Variants in NCS1 observed in about 807,000 individuals in gnomAD.
The protein encoded by NCS1 is frequenin homolog.
NCS1 carries 6 observed loss-of-function variants against 28.4 expected under a neutral mutation model. That is an observed-to-expected ratio of 0.21 (90% CI 0.12 to 0.42). The LOEUF is 0.42. Ranked by LOEUF, NCS1 falls within the 10% of genes least tolerant of loss-of-function variation. The pLI is 1.00. For missense variants in NCS1, 131 were observed against 241.4 expected (o/e 0.54, Z 3.03); for synonymous variants, 86 against 99.3 (o/e 0.87, Z 0.79).
At chr9:130,202,853 T>C (rs1387208103) in intron 2 of NCS1, among the ~76,000 whole-genome samples, 1 of 152,038 alleles carries the variant, frequency 6.6e-6, no homozygotes, top group Non-Finnish European at 1.5e-5. Flanking sequence ...GTGCTGGGAT[T>C]ACAGGAGTGA....
chr9:130,217,614 C>T (rs1249050530), intron 2 of NCS1, among the ~76,000 whole-genome samples: 1 of 152,152 alleles, frequency 6.6e-6, no homozygotes, highest in Non-Finnish European at 1.5e-5. Flanking sequence ...CTTATGCAGA[C>T]GAGGCTAGGA....
At chr9:130,206,403 CTTTTTTTTTTT>C (rs71387330) in intron 2 of NCS1, among the ~76,000 whole-genome samples, 5 of 116,516 alleles carry the variant, frequency 4.3e-5, no homozygotes, top group African/African-American at 9.9e-5. Flanking sequence ...TTCTTTCTTT[CTTTTTTTTTTT>C]TTTTTTTTTC....
Position 130,226,524 on chromosome 9 carries a change from C to G in NCS1, c.*17+20C>G, listed in dbSNP as rs1400625874. On this transcript the variant is annotated intron_variant, in intron 7 of 7. Transcript: ENST00000372398. The surrounding 1 kb of genome is among the most constrained non-coding windows in gnomAD (Gnocchi z 4.8). The stretch of plus-strand genomic sequence containing the variant: ...AGCTGGGTGAGTGCAGACTCGGGGC[C>G]TGGGGTGGGTCTGGGATGGGTCAGG... The G allele has an allele frequency of 6.4e-7, 1 of 1,573,858 alleles. No homozygotes were observed. Among genetic ancestry groups the G allele is most frequent in the Non-Finnish European group, 8.7e-7 (1 of 1,149,948 alleles).
In NCS1 at chr9:130,181,530, G is replaced by A. The variant is rs1832654655; in HGVS notation, c.64+8803G>A. Among the ~76,000 whole-genome samples, 1 of 152,196 alleles carries A rather than the reference G, an allele frequency of 6.6e-6. No homozygotes were observed. Among genetic ancestry groups the A allele is most frequent in the African/African-American group, 2.4e-5 (1 of 41,448 alleles). ...GTGGGGGTCCCCTTTTTACAGATGA[G>A]GAAATGGAGGCTCAGAGTGGATGAG... On this transcript the variant is annotated intron_variant, in intron 1 of 7. Transcript: ENST00000372398. This position sits in a 1 kb window ranked among gnomAD's most constrained non-coding sequence, Gnocchi z 5.0.
chr9:130,227,274 C>T (rs1308749159), intron 7 of NCS1, among the ~76,000 whole-genome samples: 2 of 152,132 alleles, frequency 1.3e-5, no homozygotes, highest in African/African-American at 4.8e-5. Flanking sequence ...CCCTTCTCCC[C>T]TTTTTTCCTG....
intron 1 of NCS1, among the ~76,000 whole-genome samples, chr9:130,176,541 T>G (rs182999820): frequency 2.0e-4 from 31 of 152,318 alleles, no homozygotes; most frequent in African/African-American, 7.5e-4. Flanking sequence ...CATCTTGAAC[T>G]GGGCTTATGT....
Position 130,175,656 on chromosome 9 carries a change from C to T in NCS1, c.64+2929C>T, listed in dbSNP as rs552356951. On this transcript the variant is annotated intron_variant, in intron 1 of 7. Transcript: ENST00000372398. This position sits in a 1 kb window ranked among gnomAD's most constrained non-coding sequence, Gnocchi z 4.9. ...GGTGCTGGGCAGTGTCCTTGGTGGG[C>T]GTCTCTGGCTCTGTCTGTGGTGGTC... Among the ~76,000 whole-genome samples the T allele has an allele frequency of 6.6e-6, 1 of 152,226 alleles. No individual in the cohort carries two copies. The highest frequency in any genetic ancestry group is 1.5e-5 in the Non-Finnish European group (1 of 67,998).
In NCS1 at chr9:130,177,354, G is replaced by A. The variant is rs187416036; in HGVS notation, c.64+4627G>A. Among the ~76,000 whole-genome samples, 2,311 of 152,302 alleles carry A rather than the reference G, an allele frequency of 0.015. 27 individuals carry two copies. The highest frequency in any genetic ancestry group is 0.018 in the Non-Finnish European group (1,215 of 68,018). On this transcript the variant is annotated intron_variant, in intron 1 of 7. Transcript: ENST00000372398. The surrounding 1 kb of genome is among the most constrained non-coding windows in gnomAD (Gnocchi z 4.4). ...GGGTGGGCCAAGCTGCTGCCTTCAGGAGGCAGTCACTGGAGACCATCTTGG... is the reference window on the plus strand; with the variant it reads ...GGGTGGGCCAAGCTGCTGCCTTCAGAAGGCAGTCACTGGAGACCATCTTGG...
chr9:130,222,839 G>A, intron 5 of NCS1, 101 bp downstream of exon 5: 1 of 1,257,678 alleles, frequency 8.0e-7, no homozygotes, highest in Non-Finnish European at 1.2e-6. Flanking sequence ...TCCTGCCCAG[G>A]GTGGAAGCAG....
rs1243296550 is a variant in NCS1, at chr9:130,226,737, C to G, written c.*17+233C>G. On this transcript the variant is annotated intron_variant, in intron 7 of 7. Coordinates refer to ENST00000372398, the MANE Select transcript of NCS1 (RefSeq NM_014286.4). This position sits in a 1 kb window ranked among gnomAD's most constrained non-coding sequence, Gnocchi z 4.8. The stretch of plus-strand genomic sequence containing the variant: ...AGATCAGCCTGCGAGTTTGCTTGAA[C>G]AGAATTTTTCTGGGCGCGGTGGCTC... Among the ~76,000 whole-genome samples the G allele has an allele frequency of 6.6e-6, 1 of 152,058 alleles. No individual in the cohort carries two copies. The highest frequency in any genetic ancestry group is 1.5e-5 in the Non-Finnish European group (1 of 67,994).
rs1429571752 is a variant in NCS1, at chr9:130,232,785, C to T, written c.*18-205C>T. ...CAGGTGACAGAGCAAGACTCCAACTCAAAAAAAAGCAAACAAAAAAAAACC... is the reference window on the plus strand; with the variant it reads ...CAGGTGACAGAGCAAGACTCCAACTTAAAAAAAAGCAAACAAAAAAAAACC... On this transcript the variant is annotated intron_variant, in intron 7 of 7. Transcript: ENST00000372398. This position sits in a 1 kb window ranked among gnomAD's most constrained non-coding sequence, Gnocchi z 4.4. 1.3e-5 allele frequency among the ~76,000 whole-genome samples: 2 copies of T among 149,508 alleles called. No individual in the cohort carries two copies. The highest frequency in any genetic ancestry group is 3.0e-5 in the Non-Finnish European group (2 of 67,398).
At chr9:130,217,708 A>G in intron 2 of NCS1, 124 bp from the exon 3 acceptor site, 2 of 1,420,570 alleles carry the variant, frequency 1.4e-6, no homozygotes, top group Non-Finnish European at 2.0e-6. Context: ...CCATGGCCCC[A>G]TGGGGCACCA....
At chr9:130,196,670 C>T (rs71501111) in intron 1 of NCS1, among the ~76,000 whole-genome samples, 10,629 of 152,092 alleles carry the variant, frequency 0.07, 452 homozygotes, top group Middle Eastern at 0.11. Flanking sequence ...ACCCTGGAGG[C>T]GGAGGTTGCA....
chr9:130,178,475 A>G (rs1588106858), intron 1 of NCS1, among the ~76,000 whole-genome samples: 1 of 152,054 alleles, frequency 6.6e-6, no homozygotes, highest in African/African-American at 2.4e-5. Context: ...TTGGGATCGG[A>G]CCCAGCTCCT....
At chr9:130,183,879 G>A (rs549863298) in intron 1 of NCS1, among the ~76,000 whole-genome samples, 29 of 149,346 alleles carry the variant, frequency 1.9e-4, no homozygotes, top group Non-Finnish European at 3.6e-4. Context: ...GCATGATCTC[G>A]GCCCACTGCA....
At position 130,172,572 on chromosome 9, in the gene NCS1, G is replaced by C. The variant is rs1832495295; in HGVS notation, c.-92G>C. 1 of 584,858 alleles carries C rather than the reference G, an allele frequency of 1.7e-6. No homozygotes were observed. Among genetic ancestry groups the C allele is most frequent in the Non-Finnish European group, 2.2e-6 (1 of 450,872 alleles). The allele number at this position is 584,858 out of a possible 1,614,324, so 36.2% of individuals were successfully genotyped here. ...CAGCGCGGGCGCCGCAGACAAAGGC[G>C]CGGCCCCGGCCCGGCCCGCCCGGCC... On this transcript the variant is annotated 5_prime_UTR_variant, in exon 1 of 8. Transcript: ENST00000372398.
intron 1 of NCS1, 116 bp downstream of exon 1, chr9:130,172,843 C>T (rs1832504040): frequency 2.1e-6 from 1 of 477,794 alleles, no homozygotes; most frequent in Non-Finnish European, 3.2e-6. Flanking sequence ...CCGCTCCGTC[C>T]TCCCCGCCCG....
chr9:130,221,515 A>G lies in NCS1; in HGVS notation c.308-1135A>G, dbSNP rs184413074. 3.1e-3 allele frequency among the ~76,000 whole-genome samples: 438 copies of G among 143,104 alleles called. 5 individuals carry two copies. Among genetic ancestry groups the G allele is most frequent in the African/African-American group, 0.011 (415 of 38,920 alleles). The allele number at this position is 143,104 out of a possible 152,430, so 93.9% of individuals were successfully genotyped here. On this transcript the variant is annotated intron_variant, in intron 4 of 7. Coordinates refer to ENST00000372398, the MANE Select transcript of NCS1 (RefSeq NM_014286.4). ...AGTAGTTCGATCTCGGCTTATTGCA[A>G]CCTTCGCCTCCTGGGCTCAAGCCAT... is the stretch of plus-strand genomic sequence containing the variant.
At chr9:130,185,789 G>T (rs141829176) in intron 1 of NCS1, among the ~76,000 whole-genome samples, 1 of 152,224 alleles carries the variant, frequency 6.6e-6, no homozygotes, top group East Asian at 1.9e-4. Flanking sequence ...CTTGCCCCTC[G>T]GCCAGTGGCC....
Sources: allele counts gnomAD v4.1 joint callset (sites outside exome capture counted in the v4.1 genomes callset), GRCh38; gene constraint gnomAD v4.1.1; non-coding constraint Gnocchi (gnomAD v3.1); transcripts MANE v1.5; gene names NCBI Gene and HGNC (gene_info 2026-07-23, HGNC 2026-07-21).